Variants in RBFOX1 observed in about 807,000 individuals in gnomAD.
The protein encoded by RBFOX1 is RNA binding fox-1 homolog 1.
RBFOX1 carries 8 observed loss-of-function variants against 57.7 expected under a neutral mutation model. The ratio of observed to expected loss-of-function variants is 0.14; its 90% CI spans 0.08 to 0.25. The LOEUF is 0.25. Ranked by LOEUF, RBFOX1 falls within the 10% of genes least tolerant of loss-of-function variation. RBFOX1 has a pLI of 1.00. For missense variants in RBFOX1, 611 were observed against 548.5 expected, an observed-to-expected ratio of 1.11 and a Z score of -1.14; for synonymous variants, 326 against 222.4, an observed-to-expected ratio of 1.47 and a Z score of -4.15.
At chr16:6,637,331 TAATATACAAATA>T in intron 2 of RBFOX1, among the ~76,000 whole-genome samples, 1 of 86,758 alleles carries the variant, frequency 1.2e-5, no homozygotes, top group Admixed American at 1.9e-4. Flanking sequence ...ATATATTATA[TAATATACAAATA>T]TATATTATAT....
chr16:6,267,721 T>G (rs2074698522), intron 1 of RBFOX1, among the ~76,000 whole-genome samples: 1 of 152,110 alleles, frequency 6.6e-6, no homozygotes, highest in Non-Finnish European at 1.5e-5. Context: ...CTTTTTCCCA[T>G]GAAAGAGTCA....
intron 4 of RBFOX1, among the ~76,000 whole-genome samples, chr16:7,226,988 T>A (rs950533143): frequency 2.0e-4 from 30 of 152,280 alleles, no homozygotes; most frequent in Middle Eastern, 3.4e-3. Context: ...TGTCTTCATC[T>A]CTCCAGGATA....
At chr16:6,031,741 C>G (rs965369346) in intron 1 of RBFOX1, among the ~76,000 whole-genome samples, 5 of 152,180 alleles carry the variant, frequency 3.3e-5, no homozygotes, top group African/African-American at 1.2e-4. Flanking sequence ...GACTTCAGAG[C>G]CCAGCAGAAT....
intron 1 of RBFOX1, among the ~76,000 whole-genome samples, chr16:6,199,327 A>G (rs1456660145): frequency 3.9e-5 from 6 of 152,180 alleles, no homozygotes; most frequent in Non-Finnish European, 8.8e-5. Context: ...GATTTCCCCT[A>G]ATAGAATGCC....
At chr16:6,600,081 G>C (rs552887003) in intron 2 of RBFOX1, among the ~76,000 whole-genome samples, 1 of 152,308 alleles carries the variant, frequency 6.6e-6, no homozygotes, top group East Asian at 1.9e-4. Flanking sequence ...GAGGGTTAGG[G>C]AAGCATTCAT....
intron 1 of RBFOX1, among the ~76,000 whole-genome samples, chr16:6,179,820 G>A (rs1384039644): frequency 6.6e-6 from 1 of 152,188 alleles, no homozygotes; most frequent in Non-Finnish European, 1.5e-5. Flanking sequence ...TGGGAGCAGC[G>A]TAGTTGGGTT....
intron 4 of RBFOX1, among the ~76,000 whole-genome samples, chr16:7,513,935 C>G (rs1305087098): frequency 1.3e-5 from 2 of 152,220 alleles, no homozygotes; most frequent in Admixed American, 1.3e-4. Flanking sequence ...TATTGCCAGT[C>G]TCCAAGTCTA....
At chr16:6,560,615 A>G (rs1382291801) in intron 2 of RBFOX1, among the ~76,000 whole-genome samples, 1 of 152,206 alleles carries the variant, frequency 6.6e-6, no homozygotes, top group Non-Finnish European at 1.5e-5. Flanking sequence ...TAGGACTTGT[A>G]GGCATTCAGG....
rs117688858 is a variant in RBFOX1 at position 5,985,795 on chromosome 16, A to G, written c.351+118460A>G. Reference sequence around the variant, plus strand: ...TGACCTGCAGCAGTGTGATGGAGAAAATGAAACATCTGGCTGCCTCTGGGG... The same window carrying G: ...TGACCTGCAGCAGTGTGATGGAGAAGATGAAACATCTGGCTGCCTCTGGGG... On this transcript the variant is annotated intron_variant, in intron 4 of 19. Coordinates refer to the RBFOX1 transcript ENST00000641259. Among the ~76,000 whole-genome samples, 862 of 152,250 alleles carry G rather than the reference A, an allele frequency of 5.7e-3. 30 individuals carry two copies. The highest frequency in any genetic ancestry group is 0.044 in the Admixed American group (668 of 15,286).
At chr16:5,442,874 A>G (rs551314833) in intron 1 of RBFOX1, among the ~76,000 whole-genome samples, 1 of 152,316 alleles carries the variant, frequency 6.6e-6, no homozygotes, top group East Asian at 1.9e-4. Context: ...AGGTTAGCTT[A>G]GAATTTTGAG....
At chr16:6,573,264 A>G (rs1021851474) in intron 2 of RBFOX1, among the ~76,000 whole-genome samples, 6 of 152,124 alleles carry the variant, frequency 3.9e-5, no homozygotes, top group African/African-American at 1.4e-4. Flanking sequence ...CGTGACTGCC[A>G]CAAACACGCC....
chr16:7,503,205 A>G (rs1345671761), intron 4 of RBFOX1, among the ~76,000 whole-genome samples: 2 of 152,056 alleles, frequency 1.3e-5, no homozygotes, highest in African/African-American at 2.4e-5. Flanking sequence ...AATGCTGCCA[A>G]TTTTCCAAAT....
chr16:6,654,424 C>G (rs1303310484), intron 2 of RBFOX1, among the ~76,000 whole-genome samples, 179 bp from the exon 3 acceptor site: 1 of 152,150 alleles, frequency 6.6e-6, no homozygotes, highest in Non-Finnish European at 1.5e-5. Context: ...CTAATGCAAA[C>G]ACCGCAGTAT....
At position 7,139,070 on chromosome 16, in the gene RBFOX1, C is replaced by T. The variant is rs532617867; in HGVS notation, c.27+86972C>T. Reference sequence around the variant, plus strand: ...CTGCCTTCCTTGCCCTCCCAAAGTGCTGGGATTACAGGCATGAGCCACCAT... The same window carrying T: ...CTGCCTTCCTTGCCCTCCCAAAGTGTTGGGATTACAGGCATGAGCCACCAT... On this transcript the variant is annotated intron_variant, in intron 4 of 15. Coordinates refer to ENST00000550418, the MANE Select transcript of RBFOX1 (RefSeq NM_018723.4). Among the ~76,000 whole-genome samples, 28 of 152,248 alleles carry T rather than the reference C, an allele frequency of 1.8e-4. 1 individual carries two copies. In the South Asian group the frequency reaches 5.4e-3, roughly 29 times the overall value.
chr16:6,947,737 G>A (rs945342462), intron 3 of RBFOX1, among the ~76,000 whole-genome samples: 1 of 152,094 alleles, frequency 6.6e-6, no homozygotes, highest in Non-Finnish European at 1.5e-5. Flanking sequence ...TACTTAGGTG[G>A]CTTTCTTTTT....
rs532118652 is a variant in RBFOX1 at position 7,005,012 on chromosome 16, T to C, written c.-15-47045T>C. On this transcript the variant is annotated intron_variant, in intron 3 of 15. Coordinates refer to ENST00000550418, the MANE Select transcript of RBFOX1 (RefSeq NM_018723.4). ...TACAAAAATTAGCAGAGCATGATGG[T>C]GCGTGCCTGTTATCCCAGCTACTTG... Among the ~76,000 whole-genome samples the C allele has an allele frequency of 2.6e-5, 4 of 152,198 alleles. No individual in the cohort carries two copies. The South Asian group carries it at 8.3e-4, about 32-fold the overall frequency.
At chr16:6,812,324 A>T (rs1297295941) in intron 3 of RBFOX1, among the ~76,000 whole-genome samples, 1 of 152,190 alleles carries the variant, frequency 6.6e-6, no homozygotes, top group Non-Finnish European at 1.5e-5. Context: ...TTAGAAAGGA[A>T]ACACAATGCA....
At chr16:6,031,566 T>G (rs1306798695) in intron 1 of RBFOX1, among the ~76,000 whole-genome samples, 1 of 151,374 alleles carries the variant, frequency 6.6e-6, no homozygotes, top group Non-Finnish European at 1.5e-5. Context: ...TGCACATGAG[T>G]GGATGTGCAC....
chr16:7,306,125 ATAGGTACTC>A (rs1345315990), intron 4 of RBFOX1, among the ~76,000 whole-genome samples: 1 of 152,176 alleles, frequency 6.6e-6, no homozygotes, highest in East Asian at 1.9e-4. Context: ...GTAGAATGCT[ATAGGTACTC>A]AATGTTCTCC....
Sources: gnomAD v4.1 joint callset for allele counts (sites outside exome capture counted in the v4.1 genomes callset) on GRCh38, gnomAD v4.1.1 for gene constraint, MANE v1.5 for transcripts, NCBI Gene and HGNC (gene_info 2026-07-23, HGNC 2026-07-21) for gene names.